The following BCL11B variants were observed in gnomAD, a reference collection of about 807,000 sequenced individuals.
BCL11B encodes the protein B-cell lymphoma/leukemia 11B.
Under a neutral mutation model 49.9 loss-of-function variants are expected in BCL11B, and 8 were observed. The observed-to-expected ratio is 0.16, with a 90% CI of 0.09 to 0.29. BCL11B has a LOEUF of 0.29. Among genes scored for constraint, BCL11B ranks in the 10% least tolerant of loss-of-function variants. The pLI is 1.00. For missense variants in BCL11B, 1,006 were observed against 1,351.0 expected (o/e 0.74, Z 4.00); for synonymous variants, 739 against 637.4 (o/e 1.16, Z -2.40).
At chr14:99,251,666 G>A (rs1889011357) in intron 2 of BCL11B, among the ~76,000 whole-genome samples, 1 of 152,146 alleles carries the variant, frequency 6.6e-6, no homozygotes, top group South Asian at 2.1e-4. Flanking sequence ...CCCTCATTAG[G>A]AAGTACAGGA....
In BCL11B at chr14:99,194,697, C is replaced by T. The variant is rs115243926; in HGVS notation, c.641-18502G>A. On this transcript the variant is annotated intron_variant, in intron 3 of 3. Coordinates refer to ENST00000357195, the MANE Select transcript of BCL11B (RefSeq NM_138576.4). This position sits in a 1 kb window ranked among gnomAD's most constrained non-coding sequence, Gnocchi z 4.6. The stretch of plus-strand genomic sequence containing the variant: ...AGAAAGGTGAGATTCAACCAGGTTG[C>T]GTGGCTGGTCCTACAGGAAGTGAAG... 2.0e-3 allele frequency among the ~76,000 whole-genome samples: 308 copies of T among 152,294 alleles called. 2 individuals carry two copies. The highest frequency in any genetic ancestry group is 6.4e-3 in the African/African-American group (264 of 41,564).
intron 2 of BCL11B, among the ~76,000 whole-genome samples, chr14:99,239,835 C>A (rs1888610093): frequency 6.6e-6 from 1 of 152,062 alleles, no homozygotes; most frequent in Non-Finnish European, 1.5e-5. Context: ...CATGTACAGA[C>A]AGTGCAATGG....
chr14:99,202,838 C>A (rs1887426053), intron 3 of BCL11B, among the ~76,000 whole-genome samples: 2 of 152,170 alleles, frequency 1.3e-5, no homozygotes, highest in African/African-American at 4.8e-5. Context: ...GCTGAGTGAC[C>A]CAGAAGTGTC....
rs778567687 is a variant in BCL11B at position 99,192,062 on chromosome 14, C to T, written c.641-15867G>A. ...CTCAGAATCCCGAGGCCTTCAAGAA[C>T]GTGCTAGCTCCGGAATATTTTTAGA... is the stretch of plus-strand genomic sequence containing the variant. On this transcript the variant is annotated intron_variant, in intron 3 of 3. Coordinates refer to ENST00000357195, the MANE Select transcript of BCL11B (RefSeq NM_138576.4). This position sits in a 1 kb window ranked among gnomAD's most constrained non-coding sequence, Gnocchi z 4.0. Among the ~76,000 whole-genome samples, 9 of 152,160 alleles carry T rather than the reference C, an allele frequency of 5.9e-5. No homozygotes were observed. Among genetic ancestry groups the T allele is most frequent in the East Asian group, 1.9e-4 (1 of 5,190 alleles).
At chr14:99,237,651 T>G (rs966059937) in intron 2 of BCL11B, among the ~76,000 whole-genome samples, 1 of 152,112 alleles carries the variant, frequency 6.6e-6, no homozygotes, top group Admixed American at 6.5e-5. Context: ...AACATGTAGG[T>G]GTCCTTGGAA....
At position 99,262,368 on chromosome 14, in the gene BCL11B, T is replaced by G. The variant is rs1217698767; in HGVS notation, c.59-4529A>C. Among the ~76,000 whole-genome samples the G allele has an allele frequency of 6.6e-6, 1 of 152,214 alleles. No individual in the cohort carries two copies. Among genetic ancestry groups the G allele is most frequent in the Non-Finnish European group, 1.5e-5 (1 of 68,044 alleles). ...TGTGCATTGCTACATACACAGTACG[T>G]GGGCTGCTGCTCCTCCTTACCCTGC... On this transcript the variant is annotated intron_variant, in intron 1 of 3. Transcript: ENST00000357195. This position sits in a 1 kb window ranked among gnomAD's most constrained non-coding sequence, Gnocchi z 4.2.
intron 2 of BCL11B, among the ~76,000 whole-genome samples, chr14:99,235,251 G>A (rs991818702): frequency 1.3e-5 from 2 of 152,216 alleles, no homozygotes; most frequent in Non-Finnish European, 2.9e-5. Context: ...TGCAGGAGAC[G>A]AGTATTTTTC....
At position 99,172,852 on chromosome 14, in the gene BCL11B, A is replaced by T. The variant is rs1011452847; in HGVS notation, c.*1299T>A. The T allele has an allele frequency of 4.9e-5, 11 of 226,544 alleles. No homozygotes were observed. Among genetic ancestry groups the T allele is most frequent in the African/African-American group, 1.6e-4 (7 of 44,906 alleles). 14.0% of individuals were successfully genotyped at this position (226,544 alleles called of 1,614,324 possible). ...TCCAACCTAATGAGATAGGAAAAAA[A>T]AAATAAAAACCTGGGAAGTAGCGCT... On this transcript the variant is annotated 3_prime_UTR_variant, in exon 4 of 4. Transcript: ENST00000357195.
chr14:99,242,430 G>A lies in BCL11B; in HGVS notation c.428-10873C>T, dbSNP rs1276599722. 1.3e-5 allele frequency among the ~76,000 whole-genome samples: 2 copies of A among 152,144 alleles called. No individual in the cohort carries two copies. Among genetic ancestry groups the A allele is most frequent in the African/African-American group, 2.4e-5 (1 of 41,426 alleles). ...TCCTTGCCCAGCCTTGCATGCCCACGTGGAATTTACTTAGATCTGTATTCA... is the reference window on the plus strand; with the variant it reads ...TCCTTGCCCAGCCTTGCATGCCCACATGGAATTTACTTAGATCTGTATTCA... On this transcript the variant is annotated intron_variant, in intron 2 of 3. Coordinates refer to ENST00000357195, the MANE Select transcript of BCL11B (RefSeq NM_138576.4). The surrounding 1 kb of genome is among the most constrained non-coding windows in gnomAD (Gnocchi z 4.4).
At chr14:99,210,682 G>C (rs561529959) in intron 3 of BCL11B, among the ~76,000 whole-genome samples, 1 of 152,212 alleles carries the variant, frequency 6.6e-6, no homozygotes, top group Non-Finnish European at 1.5e-5. Context: ...AGGGAAGAGA[G>C]AGATTGAAGG....
chr14:99,215,441 C>T (rs765667765), intron 3 of BCL11B, among the ~76,000 whole-genome samples: 11 of 152,280 alleles, frequency 7.2e-5, no homozygotes, highest in African/African-American at 2.2e-4. Flanking sequence ...CTATGTGTGC[C>T]GGCAGAGAAT....
intron 2 of BCL11B, among the ~76,000 whole-genome samples, chr14:99,251,961 G>A (rs1196633319): frequency 6.6e-6 from 1 of 152,214 alleles, no homozygotes; most frequent in East Asian, 1.9e-4. Flanking sequence ...CTGAGCCCCA[G>A]TTCAAAGTAG....
intron 3 of BCL11B, among the ~76,000 whole-genome samples, chr14:99,203,118 G>A (rs1394373479): frequency 6.6e-6 from 1 of 152,158 alleles, no homozygotes; most frequent in East Asian, 1.9e-4. Flanking sequence ...TGAGGCTGTG[G>A]CTTTCCCCAA....
At chr14:99,176,248 G>C in intron 3 of BCL11B, 53 bp from the exon 4 acceptor site, 2 of 1,543,956 alleles carry the variant, frequency 1.3e-6, no homozygotes, top group Non-Finnish European at 1.8e-6. Flanking sequence ...GCGGCAGCGG[G>C]GCGCGGGCAC....
At chr14:99,260,571 C>G (rs1566834429) in intron 1 of BCL11B, among the ~76,000 whole-genome samples, 1 of 152,164 alleles carries the variant, frequency 6.6e-6, no homozygotes, top group Non-Finnish European at 1.5e-5. Flanking sequence ...TCACACGTGC[C>G]TGTTCGCAAG....
chr14:99,269,134 C>G (rs568260720), intron 1 of BCL11B, among the ~76,000 whole-genome samples: 2 of 152,096 alleles, frequency 1.3e-5, no homozygotes, highest in East Asian at 3.9e-4. Flanking sequence ...GCAGTGCACC[C>G]CCATCCACTC....
intron 2 of BCL11B, among the ~76,000 whole-genome samples, chr14:99,237,073 G>T (rs1254310445): frequency 6.6e-6 from 1 of 150,868 alleles, no homozygotes; most frequent in Non-Finnish European, 1.5e-5. Flanking sequence ...GGCTGTGGGG[G>T]GTGTAGAGGG....
intron 3 of BCL11B, among the ~76,000 whole-genome samples, chr14:99,225,657 A>AAAAGAAAG (rs148489102): frequency 1.1e-4 from 16 of 152,254 alleles, no homozygotes; most frequent in Middle Eastern, 3.4e-3. Context: ...AAAAGGGAAA[A>AAAAGAAAG]AAAGAAAGAA....
At position 99,232,519 on chromosome 14, in the gene BCL11B, G is replaced by C. The variant is rs936944548; in HGVS notation, c.428-962C>G. On this transcript the variant is annotated intron_variant, in intron 2 of 3. Coordinates refer to ENST00000357195, the MANE Select transcript of BCL11B (RefSeq NM_138576.4). This position sits in a 1 kb window ranked among gnomAD's most constrained non-coding sequence, Gnocchi z 5.1. Reference sequence around the variant, plus strand: ...AACGTCAACAAGAGGATGGGCAGCTGGGCCCAGCCGGCTTTGCCAGGGAGG... The same window carrying C: ...AACGTCAACAAGAGGATGGGCAGCTCGGCCCAGCCGGCTTTGCCAGGGAGG... Among the ~76,000 whole-genome samples the C allele has an allele frequency of 6.6e-6, 1 of 152,218 alleles. No individual in the cohort carries two copies. The highest frequency in any genetic ancestry group is 1.5e-5 in the Non-Finnish European group (1 of 68,036).
Sources: allele counts gnomAD v4.1 joint callset (sites outside exome capture counted in the v4.1 genomes callset), GRCh38; gene constraint gnomAD v4.1.1; non-coding constraint Gnocchi (gnomAD v3.1); transcripts MANE v1.5; gene names NCBI Gene and HGNC (gene_info 2026-07-23, HGNC 2026-07-21).